MROH1: variants seen among roughly 807,000 people sequenced by gnomAD.
MROH1 encodes the protein maestro heat like repeat family member 1, also known as maestro heat-like repeat-containing protein family member 1.
MROH1 carries 117 observed loss-of-function variants against 116.5 expected under a neutral mutation model. The observed-to-expected ratio is 1.00, with a 90% confidence interval of 0.86 to 1.17. The LOEUF (loss-of-function observed/expected upper bound fraction) is 1.17. Among genes scored for constraint, MROH1 ranks in the 50% most tolerant of loss-of-function variants. The pLI, the probability that MROH1 is intolerant of heterozygous loss-of-function variation, is 0.00. For missense variants in MROH1, 1,873 were observed against 1,338.5 expected, an observed-to-expected ratio of 1.40 and a Z score of -6.23; for synonymous variants, 921 against 583.9, an observed-to-expected ratio of 1.58 and a Z score of -8.32.
chr8:144,148,108 G>C (rs1459549842), intron 1 of MROH1, 32 bp downstream of exon 1: 1 of 152,276 alleles, frequency 6.6e-6, no homozygotes, highest in East Asian at 1.9e-4. Context: ...GCCTTCGGCG[G>C]CGCTGGGGAA....
At chr8:144,220,310 C>A (rs1836436272) in intron 12 of MROH1, among the ~76,000 whole-genome samples, 1 of 152,202 alleles carries the variant, frequency 6.6e-6, no homozygotes, top group East Asian at 1.9e-4. Flanking sequence ...GCTTGAGTAC[C>A]ACTGAAGGAA....
chr8:144,261,677 C>T lies in MROH1; in HGVS notation c.4863C>T (p.Asp1621=). 1 of 726,370 alleles carries T rather than the reference C, an allele frequency of 1.4e-6. No homozygotes were observed. The allele number at this position is 726,370 out of a possible 1,614,324, so 45.0% of individuals were successfully genotyped here. A position where few individuals can be genotyped will look rare whatever the true frequency, so the allele number is the denominator to read the frequency against. Residue 1621 remains aspartate, a synonymous_variant, in exon 44 of 44, where the codon GAC becomes GAT. Transcript: ENST00000326134. ...CAGCGCTCCAGATCCTGCTGAAGGA[C>T]CCGGCCCCCGAGGTGCGGACGAGGG... ...LIAALQILLK[D]PAPEVRTRAA...
intron 4 of MROH1, among the ~76,000 whole-genome samples, chr8:144,172,278 T>G (rs1564389747): frequency 6.6e-6 from 1 of 152,188 alleles, no homozygotes; most frequent in Non-Finnish European, 1.5e-5. Context: ...ACATTTACTA[T>G]CTATTATCTC....
chr8:144,206,770 C>T (rs568091275), intron 12 of MROH1, among the ~76,000 whole-genome samples: 24 of 151,328 alleles, frequency 1.6e-4, no homozygotes, highest in South Asian at 1.0e-3. Flanking sequence ...CGGTGGCTCA[C>T]GCCTGTAATC....
At position 144,228,104 on chromosome 8, in the gene MROH1, A is replaced by G. The variant is rs376593558; in HGVS notation, c.1338+4874A>G. On this transcript the variant is annotated intron_variant, in intron 14 of 43. Coordinates refer to ENST00000326134, the MANE Select transcript of MROH1 (RefSeq NM_032450.3). ...AAAAACATTAGCTGGGTATGGTGGC[A>G]TATGCCGGTGGTCCCAGCTGCTCAA... 8.9e-4 allele frequency among the ~76,000 whole-genome samples: 130 copies of G among 146,274 alleles called. 4 individuals are homozygous for G. The South Asian group carries it at 0.027, about 31-fold the overall frequency.
intron 4 of MROH1, among the ~76,000 whole-genome samples, chr8:144,177,151 G>A (rs1450578180): frequency 1.3e-5 from 2 of 152,210 alleles, no homozygotes; most frequent in Admixed American, 1.3e-4. Flanking sequence ...CGTGGGCCTG[G>A]GGCTAAACCA....
chr8:144,220,909 G>A (rs958139884), intron 13 of MROH1, among the ~76,000 whole-genome samples: 3 of 152,166 alleles, frequency 2.0e-5, no homozygotes, highest in Non-Finnish European at 2.9e-5. Context: ...ATAGGCCCGC[G>A]GGTCCCTAGC....
chr8:144,205,003 T>C (rs1265121931), intron 12 of MROH1, among the ~76,000 whole-genome samples: 1 of 152,248 alleles, frequency 6.6e-6, no homozygotes, highest in Non-Finnish European at 1.5e-5. Context: ...CACAAGTGGC[T>C]TATGAGCATT....
At chr8:144,223,434 G>A (rs1837214328) in intron 14 of MROH1, among the ~76,000 whole-genome samples, 1 of 152,012 alleles carries the variant, frequency 6.6e-6, no homozygotes, top group Admixed American at 6.6e-5. Flanking sequence ...GCTGTTCTCA[G>A]GTGTGATCAT....
chr8:144,215,532 C>A (rs1169005195), intron 12 of MROH1, among the ~76,000 whole-genome samples: 1 of 152,182 alleles, frequency 6.6e-6, no homozygotes, highest in African/African-American at 2.4e-5. Context: ...CCTAGAGGAC[C>A]ACTTCCTGGT....
At position 144,243,524 on chromosome 8, in the gene MROH1, A is replaced by G. The variant is rs1841375539; in HGVS notation, c.2383A>G (p.Ser795Gly). ...AGCCCTGAAGCTGTGCCTTGTCCAG[A>G]GTGTGTGCATGGTCAGCCGCGCCAT... ...DPALKLCLVQSVCMVSRAICS... is the reference protein window; with the variant it reads ...DPALKLCLVQGVCMVSRAICS... The change falls in exon 25 of 44, where the codon AGT becomes GGT. Residue 795 changes from serine to glycine, a missense_variant. Transcript: ENST00000326134. 1 of 780,000 alleles carries G rather than the reference A, an allele frequency of 1.3e-6. No homozygotes were observed. The highest frequency in any genetic ancestry group is 2.4e-6 in the Non-Finnish European group (1 of 417,834). The allele number at this position is 780,000 out of a possible 1,614,324, so 48.3% of individuals were successfully genotyped here.
At chr8:144,221,063 G>C (rs374136525) in intron 13 of MROH1, among the ~76,000 whole-genome samples, 5 of 152,296 alleles carry the variant, frequency 3.3e-5, no homozygotes, top group African/African-American at 9.6e-5. Flanking sequence ...CCCACACACA[G>C]AGCTCCCAGC....
chr8:144,168,373 C>T lies in MROH1; in HGVS notation c.101C>T (p.Ser34Phe), dbSNP rs1327061991. The change falls in exon 4 of 44, where the codon TCC (serine) becomes TTC (phenylalanine). Residue 34 changes from serine (S) to phenylalanine (F), a missense_variant. Coordinates refer to ENST00000326134, the MANE Select transcript of MROH1 (RefSeq NM_032450.3). ...GAGCAGGTCTGCAGTGCCCTGTGCT[C>T]CCTCGGGGAGGCGCGGCCGGTGGAG... ...VQEQVCSALC[S>F]LGEARPVETL... The T allele has an allele frequency of 3.1e-6, 5 of 1,611,476 alleles. No individual in the cohort carries two copies. Among genetic ancestry groups the T allele is most frequent in the Non-Finnish European group, 8.5e-7 (1 of 1,179,684 alleles).
At chr8:144,236,742 C>CA (rs1417280498) in intron 14 of MROH1, among the ~76,000 whole-genome samples, 18 of 150,724 alleles carry the variant, frequency 1.2e-4, no homozygotes, top group African/African-American at 4.4e-4. Flanking sequence ...GACTCCATCT[C>CA]AAAAAATAAA....
intron 14 of MROH1, among the ~76,000 whole-genome samples, chr8:144,233,257 C>T (rs1355111999): frequency 6.6e-6 from 1 of 151,870 alleles, no homozygotes; most frequent in Non-Finnish European, 1.5e-5. Flanking sequence ...CCATCACCAC[C>T]TTCCAGCTCC....
intron 14 of MROH1, among the ~76,000 whole-genome samples, chr8:144,231,618 G>A (rs1554822912): frequency 3.3e-5 from 5 of 152,114 alleles, no homozygotes; most frequent in Admixed American, 1.3e-4. Context: ...GCAGTTCATA[G>A]CACCCCAAAA....
intron 33 of MROH1, among the ~76,000 whole-genome samples, chr8:144,252,879 C>A (rs1341810126): frequency 6.6e-6 from 1 of 151,874 alleles, no homozygotes; most frequent in Admixed American, 6.6e-5. Context: ...TCACTTGAAC[C>A]CAGGAGGCGG....
chr8:144,162,455 G>A (rs1315033345), intron 2 of MROH1, among the ~76,000 whole-genome samples: 1 of 150,912 alleles, frequency 6.6e-6, no homozygotes, highest in Admixed American at 6.6e-5. Context: ...TAGTGCAGTG[G>A]TGCAATCTCG....
chr8:144,189,578 G>A (rs1227651628), intron 7 of MROH1, among the ~76,000 whole-genome samples: 1 of 151,284 alleles, frequency 6.6e-6, no homozygotes, highest in Non-Finnish European at 1.5e-5. Flanking sequence ...AGCTCTGCCC[G>A]CTCCCAGCTC....
Sources: gnomAD v4.1 joint callset for allele counts (sites outside exome capture counted in the v4.1 genomes callset) on GRCh38, gnomAD v4.1.1 for gene constraint, MANE v1.5 for transcripts, NCBI Gene and HGNC (gene_info 2026-07-23, HGNC 2026-07-21) for gene names.